Variants in PCDHGA2 observed in about 807,000 individuals in gnomAD.
PCDHGA2 encodes protocadherin gamma subfamily A, 2.
In PCDHGA2, 40 loss-of-function variants were observed where a neutral mutation model predicts 59.2. The observed-to-expected ratio is 0.68, with a 90% CI of 0.52 to 0.88. The LOEUF is 0.88. PCDHGA2 is among the 40% of genes least tolerant of loss of function. The pLI is 0.00. For synonymous variants in PCDHGA2, 560 were observed against 526.0 expected (o/e 1.06, Z -0.89); for missense variants, 1,226 against 1,204.0 (o/e 1.02, Z -0.27).
In PCDHGA2 at chr5:141,340,963, G is replaced by A. The variant is rs898233139; in HGVS notation, c.1992G>A (p.Val664=). Residue 664 remains valine, a synonymous_variant, in exon 1 of 4, where the codon GTG becomes GTA. Coordinates refer to ENST00000394576, the MANE Select transcript of PCDHGA2 (RefSeq NM_018915.4). The part of the protein sequence containing the change: ...LSATVTLTVA[V]ADRIPDILAD... ...CCACTGTCACGCTCACCGTGGCCGT[G>A]GCCGACAGGATCCCCGACATCCTGG... 5.0e-6 allele frequency: 8 copies of A among 1,613,898 alleles called. No individual in the cohort carries two copies. The East Asian group carries it at 1.3e-4, about 27-fold the overall frequency.
At position 141,487,510 on chromosome 5, in the gene PCDHGA2, C is replaced by A; in HGVS notation, c.2425-7297C>A. On this transcript the variant is annotated intron_variant, in intron 1 of 3. Transcript: ENST00000394576. The surrounding 1 kb of genome is among the most constrained non-coding windows in gnomAD (Gnocchi z 5.0). ...GCTGTACACCCTTGGCTTCTGCACC[C>A]ACTCGGAGTGATAGCTTCATGATGG... is the stretch of plus-strand genomic sequence containing the variant. The A allele has an allele frequency of 6.2e-7, 1 of 1,614,210 alleles. No homozygotes were observed. Among genetic ancestry groups the A allele is most frequent in the Non-Finnish European group, 8.5e-7 (1 of 1,180,042 alleles).
rs1561508554 is a variant in PCDHGA2, at chr5:141,355,365, G to A, written c.2424+13970G>A. The A allele has an allele frequency of 3.1e-6, 5 of 1,614,040 alleles. No homozygotes were observed. The South Asian group carries it at 4.4e-5, about 14-fold the overall frequency. On this transcript the variant is annotated intron_variant, in intron 1 of 3. Coordinates refer to ENST00000394576, the MANE Select transcript of PCDHGA2 (RefSeq NM_018915.4). ...ACATCGCCAAGGACCTGGGGTTGGC[G>A]CCCCGGGAGCTGGCGGAGCGCGGAG...
chr5:141,392,013 G>A (rs980520094), intron 1 of PCDHGA2: 1 of 152,108 alleles, frequency 6.6e-6, no homozygotes, highest in African/African-American at 2.4e-5. Context: ...AATGGTAAAA[G>A]CATTTATCCT....
chr5:141,449,498 A>G (rs1190732747), intron 1 of PCDHGA2, among the ~76,000 whole-genome samples: 7 of 150,506 alleles, frequency 4.7e-5, no homozygotes, highest in Non-Finnish European at 8.9e-5. Flanking sequence ...GTGAGGCATG[A>G]GAAATGCTTG....
intron 1 of PCDHGA2, among the ~76,000 whole-genome samples, chr5:141,386,382 A>T (rs2090551092): frequency 6.6e-6 from 1 of 152,330 alleles, no homozygotes; most frequent in South Asian, 2.1e-4. Context: ...AGTATTAATT[A>T]AAAACACACT....
At chr5:141,504,352 G>A (rs2099837588) in intron 2 of PCDHGA2, among the ~76,000 whole-genome samples, 3 of 152,016 alleles carry the variant, frequency 2.0e-5, no homozygotes, top group Admixed American at 1.3e-4. Flanking sequence ...TTTGTGCTAG[G>A]TGCTTCAGTA....
chr5:141,343,140 T>C (rs1757258134), intron 1 of PCDHGA2: 2 of 224,170 alleles, frequency 8.9e-6, no homozygotes. Flanking sequence ...ATAATCTCTG[T>C]GAAGGAAGCT....
chr5:141,433,837 C>CAAA lies in PCDHGA2; in HGVS notation c.2425-60954_2425-60952dup, dbSNP rs56191208. The stretch of plus-strand genomic sequence containing the variant: ...GGGCAACAAGAGTGAAACTCTATCT[C>CAAA]AAAAAAAAAAAAAAAAAACTTTATC... On this transcript the variant is annotated intron_variant, in intron 1 of 3. Transcript: ENST00000394576. 4.3e-3 allele frequency among the ~76,000 whole-genome samples: 475 copies of CAAA among 111,672 alleles called. 6 individuals carry two copies. The highest frequency in any genetic ancestry group is 0.013 in the African/African-American group (431 of 32,292). The allele number at this position is 111,672 out of a possible 152,430, so 73.3% of individuals were successfully genotyped here.
In PCDHGA2 at chr5:141,511,406, G is replaced by C; in HGVS notation, c.*233G>C. The C allele has an allele frequency of 1.1e-6, 1 of 942,018 alleles. No individual in the cohort carries two copies. The highest frequency in any genetic ancestry group is 1.7e-5 in the African/African-American group (1 of 60,280). The allele number at this position is 942,018 out of a possible 1,614,324, so 58.4% of individuals were successfully genotyped here. ...GCTGGGAACCCCCATCCAATCAACT[G>C]CTGTACCCATGGGGGTAGTGGGGTT... On this transcript the variant is annotated 3_prime_UTR_variant, in exon 4 of 4. Coordinates refer to ENST00000394576, the MANE Select transcript of PCDHGA2 (RefSeq NM_018915.4).
In PCDHGA2 at chr5:141,414,978, C is replaced by T. The variant is rs757917979; in HGVS notation, c.2424+73583C>T. On this transcript the variant is annotated intron_variant, in intron 1 of 3. Coordinates refer to ENST00000394576, the MANE Select transcript of PCDHGA2 (RefSeq NM_018915.4). The stretch of plus-strand genomic sequence containing the variant: ...CCAAGGTGGTGGCGGTGGACAGAGA[C>T]TCCGGCCAGAACGCCTGGCTGTCCT... 8 of 1,613,878 alleles carry T rather than the reference C, an allele frequency of 5.0e-6. No individual in the cohort carries two copies. The South Asian group carries it at 8.8e-5, about 18-fold the overall frequency.
chr5:141,403,202 T>A, intron 1 of PCDHGA2: 4 of 1,613,984 alleles, frequency 2.5e-6, no homozygotes, highest in Non-Finnish European at 3.4e-6. Context: ...CAGCGGCACC[T>A]TGGTCACCGC....
intron 1 of PCDHGA2, chr5:141,478,291 C>T: frequency 1.9e-6 from 3 of 1,614,144 alleles, no homozygotes; most frequent in East Asian, 2.2e-5. Context: ...AGTCTAGAGA[C>T]CTATACCGAG....
intron 1 of PCDHGA2, chr5:141,410,596 T>C: frequency 1.2e-6 from 2 of 1,608,810 alleles, no homozygotes; most frequent in Non-Finnish European, 1.7e-6. Flanking sequence ...AGGATTTGAC[T>C]TCACATCCTG....
chr5:141,431,876 GA>G lies in PCDHGA2; in HGVS notation c.2425-62930del. 6.2e-7 allele frequency: 1 copy of G among 1,614,188 alleles called. No individual in the cohort carries two copies. Among genetic ancestry groups the G allele is most frequent in the Non-Finnish European group, 8.5e-7 (1 of 1,180,008 alleles). On this transcript the variant is annotated intron_variant, in intron 1 of 3. Transcript: ENST00000394576. The surrounding 1 kb of genome is among the most constrained non-coding windows in gnomAD (Gnocchi z 4.8). ...ATTAATTGCCCTTTTAAATGTAAATGACCAAGATTCTGAGGAAAACGGACAG... is the reference window on the plus strand; with the variant it reads ...ATTAATTGCCCTTTTAAATGTAAATGCCAAGATTCTGAGGAAAACGGACAG...
At chr5:141,419,124 T>A in intron 1 of PCDHGA2, 1 of 1,613,798 alleles carries the variant, frequency 6.2e-7, no homozygotes, top group Non-Finnish European at 8.5e-7. Context: ...AACGTCACCA[T>A]CGCAGCCACA....
chr5:141,507,810 G>A (rs550331241), intron 3 of PCDHGA2, among the ~76,000 whole-genome samples: 1 of 152,290 alleles, frequency 6.6e-6, no homozygotes, highest in African/African-American at 2.4e-5. Context: ...CCTGGGGAAC[G>A]GACCCTGGGG....
Position 141,437,358 on chromosome 5 carries a change from T to C in PCDHGA2, c.2425-57449T>C, listed in dbSNP as rs115917828. ...CTTCACTGTTTTATAGTACCTAAAATTGGAATGTAATCAGTCAGAAGACAT... is the reference window on the plus strand; with the variant it reads ...CTTCACTGTTTTATAGTACCTAAAACTGGAATGTAATCAGTCAGAAGACAT... On this transcript the variant is annotated intron_variant, in intron 1 of 3. Coordinates refer to ENST00000394576, the MANE Select transcript of PCDHGA2 (RefSeq NM_018915.4). 4.6e-3 allele frequency among the ~76,000 whole-genome samples: 702 copies of C among 152,356 alleles called. 4 individuals carry two copies. Among genetic ancestry groups the C allele is most frequent in the African/African-American group, 0.015 (639 of 41,574 alleles).
chr5:141,456,550 C>T (rs1017343381), intron 1 of PCDHGA2, among the ~76,000 whole-genome samples: 2 of 152,166 alleles, frequency 1.3e-5, no homozygotes, highest in African/African-American at 4.8e-5. Context: ...TGTAGCCACT[C>T]GGGGCTGAAG....
At chr5:141,375,731 C>T (rs370856492) in intron 1 of PCDHGA2, 146 of 1,614,138 alleles carry the variant, frequency 9.0e-5, no homozygotes, top group Non-Finnish European at 1.2e-4. Context: ...GTCACTGAGC[C>T]TGTTTGTGCT....
Sources: allele counts gnomAD v4.1 joint callset (sites outside exome capture counted in the v4.1 genomes callset), GRCh38; gene constraint gnomAD v4.1.1; non-coding constraint Gnocchi (gnomAD v3.1); transcripts MANE v1.5; gene names NCBI Gene and HGNC (gene_info 2026-07-23, HGNC 2026-07-21).